IGF1R: variants seen among roughly 807,000 people sequenced by gnomAD.
IGF1R encodes insulin-like growth factor 1 receptor.
In IGF1R, 44 loss-of-function variants were observed where a neutral mutation model predicts 144.6. The ratio of observed to expected loss-of-function variants is 0.30; its 90% confidence interval spans 0.24 to 0.39. The LOEUF (loss-of-function observed/expected upper bound fraction) is 0.39. Among genes scored for constraint, IGF1R ranks in the 10% least tolerant of loss-of-function variants. IGF1R has a pLI of 1.00. For missense variants in IGF1R, 1,355 were observed against 1,833.7 expected, an observed-to-expected ratio of 0.74 and a Z score of 4.77; for synonymous variants, 795 against 722.8, an observed-to-expected ratio of 1.10 and a Z score of -1.60.
chr15:98,901,767 G>A (rs534068300), intron 5 of IGF1R, among the ~76,000 whole-genome samples: 25 of 152,334 alleles, frequency 1.6e-4, no homozygotes, highest in African/African-American at 6.0e-4. Flanking sequence ...GGTGGCATTT[G>A]AGATGGGCCT....
intron 2 of IGF1R, among the ~76,000 whole-genome samples, chr15:98,713,110 C>T (rs528099701): frequency 2.6e-5 from 4 of 152,090 alleles, no homozygotes; most frequent in Admixed American, 2.6e-4. Flanking sequence ...TGCTGACCAG[C>T]CGGCACGGCT....
rs143709560 is a variant in IGF1R, at chr15:98,802,606, A to G, written c.641-88719A>G. Among the ~76,000 whole-genome samples, 545 of 152,362 alleles carry G rather than the reference A, an allele frequency of 3.6e-3. 1 individual carries two copies. Among genetic ancestry groups the G allele is most frequent in the African/African-American group, 0.012 (515 of 41,584 alleles). ...AAGACAGGGGTTGCTTGTATGCACG[A>G]ATTCACATCTGAAGAATGCATCTGA... On this transcript the variant is annotated intron_variant, in intron 2 of 20. Transcript: ENST00000650285.
intron 2 of IGF1R, among the ~76,000 whole-genome samples, chr15:98,794,256 G>A (rs1232212900): frequency 6.6e-6 from 1 of 152,204 alleles, no homozygotes; most frequent in Non-Finnish European, 1.5e-5. Flanking sequence ...TTATTAGATG[G>A]CCCTCAAAGG....
At chr15:98,920,234 A>C (rs924037363) in intron 10 of IGF1R, among the ~76,000 whole-genome samples, 1 of 152,238 alleles carries the variant, frequency 6.6e-6, no homozygotes, top group African/African-American at 2.4e-5. Flanking sequence ...TTTACCAAAA[A>C]AAATGATGTA....
intron 2 of IGF1R, among the ~76,000 whole-genome samples, chr15:98,806,252 G>C (rs1335478944): frequency 6.6e-6 from 1 of 152,088 alleles, no homozygotes; most frequent in Non-Finnish European, 1.5e-5. Context: ...GCGAGGTGTG[G>C]GGGGTGGCGT....
rs774734018 is a variant in IGF1R, at chr15:98,707,610, G to A, written c.143G>A (p.Arg48His). 3.7e-6 allele frequency: 6 copies of A among 1,614,200 alleles called. No individual in the cohort carries two copies. The highest frequency in any genetic ancestry group is 1.6e-4 in the Middle Eastern group (1 of 6,062). Residue 48 changes from arginine to histidine, a missense_variant, in exon 2 of 21, where the codon CGC becomes CAC. Transcript: ENST00000650285. This position sits in a 1 kb window ranked among gnomAD's most constrained non-coding sequence, Gnocchi z 6.7. ...CGCAACGACTATCAGCAGCTGAAGC[G>A]CCTGGAGAACTGCACGGTGATCGAG... ...DIRNDYQQLK[R>H]LENCTVIEGY...
At chr15:98,795,739 C>CT (rs1361758317) in intron 2 of IGF1R, among the ~76,000 whole-genome samples, 2 of 152,286 alleles carry the variant, frequency 1.3e-5, no homozygotes, top group East Asian at 3.9e-4. Context: ...GAAAATCTCT[C>CT]TAATTTTTTA....
intron 2 of IGF1R, among the ~76,000 whole-genome samples, chr15:98,760,855 T>TA (rs1166659861): frequency 2.0e-5 from 3 of 152,250 alleles, no homozygotes; most frequent in Non-Finnish European, 4.4e-5. Context: ...GACCAAATAA[T>TA]ACCACAGTGA....
chr15:98,933,496 A>C (rs2151706293), intron 15 of IGF1R, among the ~76,000 whole-genome samples: 1 of 152,044 alleles, frequency 6.6e-6, no homozygotes, highest in African/African-American at 2.4e-5. Flanking sequence ...GGTGTGTGCC[A>C]TCACACCTGG....
chr15:98,821,302 C>G (rs1596331265), intron 2 of IGF1R, among the ~76,000 whole-genome samples: 2 of 148,234 alleles, frequency 1.3e-5, no homozygotes, highest in East Asian at 2.1e-4. Flanking sequence ...CCTTTTTAAA[C>G]TGATTTTACC....
At chr15:98,672,832 T>G (rs1292848044) in intron 1 of IGF1R, among the ~76,000 whole-genome samples, 1 of 152,118 alleles carries the variant, frequency 6.6e-6, no homozygotes, top group Non-Finnish European at 1.5e-5. Context: ...ACCTGGAAAG[T>G]TGAAGCAGTG....
chr15:98,681,367 C>G (rs1176774519), intron 1 of IGF1R, among the ~76,000 whole-genome samples: 1 of 152,192 alleles, frequency 6.6e-6, no homozygotes, highest in East Asian at 1.9e-4. Flanking sequence ...ACCAGCTATT[C>G]TGATAGTTAT....
In IGF1R at chr15:98,935,519, C is replaced by G; in HGVS notation, c.3297+93C>G. On this transcript the variant is annotated intron_variant, in intron 17 of 20. Transcript: ENST00000650285. The surrounding 1 kb of genome is among the most constrained non-coding windows in gnomAD (Gnocchi z 4.2). ...GCAAGGAAATGCTGTGTCTTTAAAT[C>G]AGTTTACTTTCCAGCATCCAGTGTT... 1.2e-6 allele frequency: 1 copy of G among 807,438 alleles called. No individual in the cohort carries two copies. Among genetic ancestry groups the G allele is most frequent in the Non-Finnish European group, 2.1e-6 (1 of 466,954 alleles). 50.0% of individuals were successfully genotyped at this position (807,438 alleles called of 1,614,324 possible). A position where few individuals can be genotyped will look rare whatever the true frequency, so the allele number is the denominator to read the frequency against.
chr15:98,920,240 A>G (rs532005921), intron 10 of IGF1R, among the ~76,000 whole-genome samples: 7 of 152,168 alleles, frequency 4.6e-5, no homozygotes, highest in Admixed American at 6.5e-5. Context: ...AAAAAAAATG[A>G]TGTATGGGCC....
chr15:98,701,628 C>T (rs1323206637), intron 1 of IGF1R, among the ~76,000 whole-genome samples: 2 of 152,248 alleles, frequency 1.3e-5, no homozygotes, highest in South Asian at 2.1e-4. Context: ...CATGAGCCGC[C>T]GCACCCGGCC....
Position 98,908,845 on chromosome 15 carries a change from G to A in IGF1R, c.1408G>A (p.Gly470Arg), listed in dbSNP as rs2151670336. 1.2e-6 allele frequency: 2 copies of A among 1,614,118 alleles called. No individual in the cohort carries two copies. Among genetic ancestry groups the A allele is most frequent in the Non-Finnish European group, 8.5e-7 (1 of 1,179,998 alleles). The part of the protein sequence containing the change: ...YRMEEVTGTK[G>R]RQSKGDINTR... ...CATGGAGGAAGTGACGGGGACTAAA[G>A]GGCGCCAAAGCAAAGGGGACATAAA... The change falls in exon 6 of 21, where the codon GGG (glycine) becomes AGG (arginine). Residue 470 changes from glycine to arginine, a missense_variant. Coordinates refer to ENST00000650285, the MANE Select transcript of IGF1R (RefSeq NM_000875.5).
At chr15:98,850,685 T>C (rs2011495070) in intron 2 of IGF1R, among the ~76,000 whole-genome samples, 1 of 152,038 alleles carries the variant, frequency 6.6e-6, no homozygotes, top group Admixed American at 6.5e-5. Context: ...CAGCATACGT[T>C]ACAAGTAACT....
chr15:98,892,754 G>A (rs115458144), intron 3 of IGF1R, among the ~76,000 whole-genome samples: 184 of 152,066 alleles, frequency 1.2e-3, no homozygotes, highest in African/African-American at 4.1e-3. Context: ...AGGGGCTCAC[G>A]CCTGTAATCC....
chr15:98,941,338 C>T (rs1438979219), intron 18 of IGF1R, among the ~76,000 whole-genome samples: 3 of 152,188 alleles, frequency 2.0e-5, no homozygotes, highest in East Asian at 3.8e-4. Context: ...AGTTTCTCCC[C>T]ACTGCGCGTC....
Sources: gnomAD v4.1 joint callset for allele counts (sites outside exome capture counted in the v4.1 genomes callset) on GRCh38, gnomAD v4.1.1 for gene constraint, Gnocchi (gnomAD v3.1) non-coding constraint, MANE v1.5 for transcripts, NCBI Gene and HGNC (gene_info 2026-07-23, HGNC 2026-07-21) for gene names.